ABTB3: variants seen among roughly 807,000 people sequenced by gnomAD.
The protein encoded by ABTB3 is ankyrin repeat and BTB domain containing 3.
the ABTB3 span, among the ~76,000 whole-genome samples, chr12:107,372,448 G>A: frequency 2.6e-5 from 4 of 152,152 alleles, no homozygotes; most frequent in Admixed American, 1.3e-4. Context: ...TCAACTTGGC[G>A]TCTTTCTCAG....
At chr12:107,328,313 A>G in the ABTB3 span, among the ~76,000 whole-genome samples, 13 of 152,226 alleles carry the variant, frequency 8.5e-5, no homozygotes, top group African/African-American at 2.9e-4. Context: ...CTTATAGAAT[A>G]CTTGTGAGGA....
chr12:107,403,386 G>A, the ABTB3 span, among the ~76,000 whole-genome samples: 1 of 152,200 alleles, frequency 6.6e-6, no homozygotes, highest in East Asian at 1.9e-4. Flanking sequence ...GAATCCATAG[G>A]AAGCTTGGCA....
At chr12:107,555,700 C>T in the ABTB3 span, among the ~76,000 whole-genome samples, 3 of 152,238 alleles carry the variant, frequency 2.0e-5, no homozygotes, top group African/African-American at 7.2e-5. Context: ...CTCCTCTATA[C>T]CATGCGCCTC....
chr12:107,422,839 G>A, the ABTB3 span, among the ~76,000 whole-genome samples: 16 of 152,298 alleles, frequency 1.1e-4, no homozygotes, highest in African/African-American at 3.1e-4. Flanking sequence ...TTCCAGGATT[G>A]CAAATTATAT....
the ABTB3 span, among the ~76,000 whole-genome samples, chr12:107,611,616 C>T: frequency 3.3e-5 from 5 of 152,302 alleles, no homozygotes; most frequent in African/African-American, 9.6e-5. Flanking sequence ...CGTATTTACA[C>T]GAGTGTTTGT....
chr12:107,432,126 G>A, the ABTB3 span, among the ~76,000 whole-genome samples: 2 of 152,218 alleles, frequency 1.3e-5, no homozygotes, highest in Non-Finnish European at 2.9e-5. Flanking sequence ...AGGTTTTCCT[G>A]TCTAACCCTA....
At chr12:107,449,934 G>T in the ABTB3 span, among the ~76,000 whole-genome samples, 2 of 152,076 alleles carry the variant, frequency 1.3e-5, no homozygotes, top group African/African-American at 4.8e-5. Flanking sequence ...GAGCCATTGT[G>T]CCTGGCTGAT....
chr12:107,516,915 A>G, the ABTB3 span, among the ~76,000 whole-genome samples: 1 of 152,158 alleles, frequency 6.6e-6, no homozygotes, highest in South Asian at 2.1e-4. Context: ...TTCAGTTTTA[A>G]ATGACTTGAA....
chr12:107,339,119 C>A, the ABTB3 span, among the ~76,000 whole-genome samples: 6 of 152,174 alleles, frequency 3.9e-5, no homozygotes, highest in Non-Finnish European at 1.5e-5. Flanking sequence ...TTCTGCAGGT[C>A]GGATAACCCC....
chr12:107,600,822 C>T, the ABTB3 span, among the ~76,000 whole-genome samples: 4 of 152,272 alleles, frequency 2.6e-5, no homozygotes, highest in South Asian at 2.1e-4. Flanking sequence ...ACTGGAGCCA[C>T]GGCAGAGCTC....
chr12:107,393,526 G>A, the ABTB3 span, among the ~76,000 whole-genome samples: 1 of 152,160 alleles, frequency 6.6e-6, no homozygotes, highest in Non-Finnish European at 1.5e-5. Flanking sequence ...TTGTGTGATG[G>A]CCTCCATGGG....
chr12:107,380,137 C>G, the ABTB3 span, among the ~76,000 whole-genome samples: 4 of 152,060 alleles, frequency 2.6e-5, no homozygotes, highest in African/African-American at 7.2e-5. Context: ...CACCAGCAAA[C>G]GTGTTCTGAA....
At chr12:107,523,012 T>C in the ABTB3 span, among the ~76,000 whole-genome samples, 1 of 152,200 alleles carries the variant, frequency 6.6e-6, no homozygotes, top group African/African-American at 2.4e-5. Flanking sequence ...ATTATCAATT[T>C]AGCTGAATAT....
the ABTB3 span, among the ~76,000 whole-genome samples, chr12:107,583,990 T>C: frequency 4.6e-5 from 7 of 152,230 alleles, no homozygotes; most frequent in Non-Finnish European, 8.8e-5. Flanking sequence ...ACTGAAATAT[T>C]CAGTTAGCTT....
At chr12:107,488,530 G>A in the ABTB3 span, among the ~76,000 whole-genome samples, 3 of 151,964 alleles carry the variant, frequency 2.0e-5, no homozygotes, top group African/African-American at 4.8e-5. Flanking sequence ...GATTACTATC[G>A]TTGTGTTACA....
At chr12:107,491,629 C>T in the ABTB3 span, among the ~76,000 whole-genome samples, 15 of 152,250 alleles carry the variant, frequency 9.9e-5, no homozygotes, top group Admixed American at 5.9e-4. Flanking sequence ...TTGAGACCAG[C>T]CTGGCCAACA....
At chr12:107,614,603 A>C in the ABTB3 span, among the ~76,000 whole-genome samples, 1 of 152,180 alleles carries the variant, frequency 6.6e-6, no homozygotes, top group Admixed American at 6.5e-5. Context: ...GGTAGAAGGA[A>C]GAAGGGGACA....
the ABTB3 span, among the ~76,000 whole-genome samples, chr12:107,338,340 T>G: frequency 6.6e-6 from 1 of 152,348 alleles, no homozygotes; most frequent in African/African-American, 2.4e-5. Context: ...TCTTGTTAAT[T>G]ATTTCTATTA....
At chr12:107,529,895 G>C in the ABTB3 span, among the ~76,000 whole-genome samples, 1 of 152,298 alleles carries the variant, frequency 6.6e-6, no homozygotes, top group South Asian at 2.1e-4. Context: ...AAGTAGATGT[G>C]TGGATAATTT....
Sources: allele counts gnomAD v4.1 joint callset (sites outside exome capture counted in the v4.1 genomes callset), GRCh38; gene constraint gnomAD v4.1.1; transcripts MANE v1.5; gene names NCBI Gene and HGNC (gene_info 2026-07-23, HGNC 2026-07-21).